Variants in DROSHA observed in about 807,000 individuals in gnomAD.
The protein encoded by DROSHA is drosha ribonuclease III.
In DROSHA, 56 loss-of-function variants were observed where a neutral mutation model predicts 181.9. The observed-to-expected ratio is 0.31, with a 90% CI of 0.25 to 0.38. The LOEUF (loss-of-function observed/expected upper bound fraction) is 0.38, where lower values mean the gene tolerates loss of function less well. DROSHA is among the 10% of genes least tolerant of loss of function. The probability of loss-of-function intolerance (pLI) is 1.00; values close to 1 mark genes in which losing one functional copy is unlikely to be tolerated. For missense variants in DROSHA, 1,218 were observed against 1,743.5 expected (o/e 0.70, Z 5.37); for synonymous variants, 524 against 591.2 (o/e 0.89, Z 1.65).
In DROSHA at chr5:31,484,380, CAAAAAAA is replaced by C. The variant is rs377304788; in HGVS notation, c.1996+494_1996+500del. Among the ~76,000 whole-genome samples the C allele has an allele frequency of 2.0e-4, 17 of 82,988 alleles. No homozygotes were observed. The South Asian group carries it at 2.5e-3, about 12-fold the overall frequency. 54.4% of individuals were successfully genotyped at this position (82,988 alleles called of 152,430 possible). On this transcript the variant is annotated intron_variant, in intron 15 of 35. Coordinates refer to ENST00000344624, the MANE Select transcript of DROSHA (RefSeq NM_001382508.1). ...TGGGCGACAGAGCGAGACTCCGTCT[CAAAAAAA>C]AAAAAAAAAAAAAAAAAAAAAGAAT...
At chr5:31,498,526 T>C (rs1203824091) in intron 11 of DROSHA, among the ~76,000 whole-genome samples, 1 of 152,054 alleles carries the variant, frequency 6.6e-6, no homozygotes, top group Non-Finnish European at 1.5e-5. Flanking sequence ...GAAGAAAGCA[T>C]GAGAGGTGGT....
intron 10 of DROSHA, among the ~76,000 whole-genome samples, chr5:31,505,385 T>C (rs1737802161): frequency 6.6e-6 from 1 of 151,792 alleles, no homozygotes; most frequent in Non-Finnish European, 1.5e-5. Context: ...ACAGATGAGA[T>C]GGACAAGAAA....
chr5:31,510,895 G>C, intron 9 of DROSHA, 140 bp downstream of exon 9: 2 of 1,056,316 alleles, frequency 1.9e-6, no homozygotes, highest in Non-Finnish European at 2.7e-6. Context: ...CTACTGCTAT[G>C]TATCTTACTG....
At chr5:31,424,147 G>A (rs1304081202) in intron 28 of DROSHA, among the ~76,000 whole-genome samples, 1 of 152,136 alleles carries the variant, frequency 6.6e-6, no homozygotes, top group Non-Finnish European at 1.5e-5. Flanking sequence ...ACCTTTTGGT[G>A]GTGGTGGGGC....
chr5:31,405,789 T>TTTC, intron 34 of DROSHA, 66 bp from the exon 35 acceptor site: 1 of 1,191,690 alleles, frequency 8.4e-7, no homozygotes, highest in Non-Finnish European at 1.1e-6. Flanking sequence ...TTTTTTTTTT[T>TTTC]TTCAAAAAAT....
chr5:31,431,742 A>G (rs975051327), intron 25 of DROSHA, 64 bp from the exon 26 acceptor site: 39 of 1,502,506 alleles, frequency 2.6e-5, no homozygotes, highest in Non-Finnish European at 3.5e-5. Flanking sequence ...ATAGTAACTC[A>G]GCATCTCTTG....
In DROSHA at chr5:31,409,327, TA is replaced by T. The variant is rs771539167; in HGVS notation, c.3672del (p.Phe1224LeufsTer18). Reference sequence around the variant, plus strand: ...TCCTTATCAATGTACAGCGCTGCAATAAATGCTGGGGAAAAAAGAATACTTT... The same window carrying T: ...TCCTTATCAATGTACAGCGCTGCAATAATGCTGGGGAAAAAAGAATACTTT... ...TKTLADLLES[F>X]IAALYIDKDL... On this transcript the variant is annotated frameshift_variant, in exon 32 of 36. Transcript: ENST00000344624. LOFTEE classifies it high-confidence loss of function. This position sits in a 1 kb window ranked among gnomAD's most constrained non-coding sequence, Gnocchi z 4.0. 6.4e-7 allele frequency: 1 copy of T among 1,572,596 alleles called. No homozygotes were observed. The highest frequency in any genetic ancestry group is 1.2e-5 in the South Asian group (1 of 85,616).
In DROSHA at chr5:31,508,566, A is replaced by G. The variant is rs1324937937; in HGVS notation, c.1587+55T>C. ...ACATGTATCTTCTGAGCCCAGAGCAATAACCGTTATGTCTGGGTTTGCAAC... is the reference window on the plus strand; with the variant it reads ...ACATGTATCTTCTGAGCCCAGAGCAGTAACCGTTATGTCTGGGTTTGCAAC... On this transcript the variant is annotated intron_variant, in intron 10 of 35. Coordinates refer to ENST00000344624, the MANE Select transcript of DROSHA (RefSeq NM_001382508.1). 7 of 1,610,462 alleles carry G rather than the reference A, an allele frequency of 4.3e-6. No individual in the cohort carries two copies. In the African/African-American group the frequency reaches 8.0e-5, roughly 18 times the overall value.
intron 16 of DROSHA, among the ~76,000 whole-genome samples, chr5:31,482,412 G>A (rs749755851): frequency 1.3e-5 from 2 of 151,982 alleles, no homozygotes; most frequent in Admixed American, 6.6e-5. Context: ...AGGAGAAGAG[G>A]GAAGATCCAA....
chr5:31,504,572 T>C lies in DROSHA; in HGVS notation c.1651A>G (p.Ile551Val). 6.2e-7 allele frequency: 1 copy of C among 1,613,984 alleles called. No homozygotes were observed. The highest frequency in any genetic ancestry group is 8.5e-7 in the Non-Finnish European group (1 of 1,179,892). Residue 551 changes from isoleucine to valine, a missense_variant, in exon 11 of 36, where the codon ATT (isoleucine) becomes GTT (valine). By Grantham distance (29) the Ile-to-Val change is conservative (BLOSUM62 3). Transcript: ENST00000344624. ...CCAGTTACCTCTTCTCCAGGATAAA[T>C]GCTGTGCCTAATTCCTGTGCGTCTT... Reference protein sequence around the residue: ...KARRTGIRHSIYPGEEAIKPC... With the variant: ...KARRTGIRHSVYPGEEAIKPC...
intron 35 of DROSHA, 28 bp from the exon 36 acceptor site, chr5:31,401,590 TAATAA>T: frequency 1.5e-6 from 2 of 1,324,272 alleles, no homozygotes; most frequent in Non-Finnish European, 1.9e-6. Context: ...ATTTTATATT[TAATAA>T]AATTATATTT....
At position 31,411,529 on chromosome 5, in the gene DROSHA, T is replaced by C. The variant is rs939408720; in HGVS notation, c.3526-642A>G. ...TTATAGGACTTAAGTGAGGTTTAAG[T>C]AAATACTATGAAAAGATTTAAATTA... On this transcript the variant is annotated intron_variant, in intron 30 of 35. Transcript: ENST00000344624. This position sits in a 1 kb window ranked among gnomAD's most constrained non-coding sequence, Gnocchi z 4.2. Among the ~76,000 whole-genome samples the C allele has an allele frequency of 6.6e-6, 1 of 152,202 alleles. No homozygotes were observed. The highest frequency in any genetic ancestry group is 2.4e-5 in the African/African-American group (1 of 41,448).
intron 11 of DROSHA, among the ~76,000 whole-genome samples, chr5:31,497,822 G>T (rs80084529): frequency 0.041 from 6,199 of 152,244 alleles, 426 homozygotes; most frequent in African/African-American, 0.14. Flanking sequence ...CTTTCCATCT[G>T]ATTCTCCTCA....
chr5:31,469,234 G>A (rs1749460513), intron 17 of DROSHA, among the ~76,000 whole-genome samples: 1 of 152,174 alleles, frequency 6.6e-6, no homozygotes, highest in Non-Finnish European at 1.5e-5. Context: ...GCGCACACCT[G>A]TAGTCCCAGC....
At chr5:31,404,026 T>G (rs1740355173) in intron 35 of DROSHA, among the ~76,000 whole-genome samples, 1 of 151,664 alleles carries the variant, frequency 6.6e-6, no homozygotes, top group Admixed American at 6.6e-5. Flanking sequence ...CAAGTGATCC[T>G]CTGGCCTCAG....
At position 31,530,878 on chromosome 5, in the gene DROSHA, TG is replaced by T; in HGVS notation, c.-128del. The T allele has an allele frequency of 2.5e-6, 1 of 398,620 alleles. No individual in the cohort carries two copies. The highest frequency in any genetic ancestry group is 4.4e-6 in the Non-Finnish European group (1 of 226,062). The allele number at this position is 398,620 out of a possible 1,614,324, so 24.7% of individuals were successfully genotyped here. A position where few individuals can be genotyped will look rare whatever the true frequency, so the allele number is the denominator to read the frequency against. On this transcript the variant is annotated 5_prime_UTR_variant, in exon 3 of 36. The change abolishes the stop of an existing upstream ORF in the 5' untranslated region. Transcript: ENST00000344624. Reference sequence around the variant, plus strand: ...TTATCAGCTCCTTGATGATATGGGTTGATTCACAGTCATTTCTGTATCCTTC... The same window carrying T: ...TTATCAGCTCCTTGATGATATGGGTTATTCACAGTCATTTCTGTATCCTTC...
intron 15 of DROSHA, among the ~76,000 whole-genome samples, chr5:31,484,507 G>GTGTGTA (rs1417131999): frequency 1.1e-4 from 16 of 151,052 alleles, no homozygotes; most frequent in African/African-American, 3.9e-4. Context: ...GTGTGTGCAT[G>GTGTGTA]TGTGTGTTTT....
chr5:31,521,651 T>C (rs1470094647), intron 5 of DROSHA, among the ~76,000 whole-genome samples: 2 of 152,226 alleles, frequency 1.3e-5, no homozygotes, highest in East Asian at 3.8e-4. Flanking sequence ...CAAGGTTCTA[T>C]AATGAAAGAG....
rs115535381 is a variant in DROSHA at position 31,435,365 on chromosome 5, G to T, written c.3042+400C>A. ...GATAAAAAATGGTCTGTAATATTCT[G>T]TTCAAAGCTATCATTTGGCTTGTTA... On this transcript the variant is annotated intron_variant, in intron 25 of 35. Coordinates refer to ENST00000344624, the MANE Select transcript of DROSHA (RefSeq NM_001382508.1). Among the ~76,000 whole-genome samples the T allele has an allele frequency of 5.2e-3, 786 of 152,290 alleles. 8 individuals are homozygous for T. Among genetic ancestry groups the T allele is most frequent in the African/African-American group, 0.018 (740 of 41,566 alleles).
Sources: allele counts gnomAD v4.1 joint callset (sites outside exome capture counted in the v4.1 genomes callset), GRCh38; gene constraint gnomAD v4.1.1; non-coding constraint Gnocchi (gnomAD v3.1); transcripts MANE v1.5; gene names NCBI Gene and HGNC (gene_info 2026-07-23, HGNC 2026-07-21).